The following HROB variants were observed in gnomAD, a reference collection of about 807,000 sequenced individuals.
HROB encodes the protein homologous recombination OB-fold protein.
A neutral mutation model predicts 61.0 loss-of-function variants in HROB; 44 were observed. The ratio of observed to expected loss-of-function variants is 0.72; its 90% CI spans 0.57 to 0.93. The LOEUF (loss-of-function observed/expected upper bound fraction) is 0.93, where lower values mean the gene tolerates loss of function less well. HROB is among the 40% of genes least tolerant of loss of function. The pLI is 0.00. For synonymous variants in HROB, 301 were observed against 310.4 expected, an observed-to-expected ratio of 0.97 and a Z score of 0.32; for missense variants, 716 against 796.2, an observed-to-expected ratio of 0.90 and a Z score of 1.21.
intron 5 of HROB, 112 bp downstream of exon 5, chr17:44,152,889 C>T: frequency 7.6e-7 from 1 of 1,310,580 alleles, no homozygotes; most frequent in Non-Finnish European, 1.0e-6. Context: ...GTACCCTATA[C>T]AAGTAGCAGC....
At chr17:44,147,436 CTTT>C (rs34538292) in intron 2 of HROB, among the ~76,000 whole-genome samples, 9 of 114,718 alleles carry the variant, frequency 7.8e-5, no homozygotes, top group Admixed American at 2.7e-4. Flanking sequence ...TCTTTTCTTT[CTTT>C]TTTTTTTTTT....
chr17:44,143,857 C>A (rs2053532075), intron 1 of HROB, among the ~76,000 whole-genome samples: 2 of 151,720 alleles, frequency 1.3e-5, no homozygotes, highest in Non-Finnish European at 2.9e-5. Context: ...CCCATGTGCA[C>A]AGTCCTGGAG....
rs536677395 is a variant in HROB, at chr17:44,148,207, A to G, written c.404A>G (p.His135Arg). The G allele has an allele frequency of 4.3e-6, 7 of 1,614,012 alleles. No individual in the cohort carries two copies. In the African/African-American group the frequency reaches 5.3e-5, roughly 12 times the overall value. Residue 135 changes from histidine to arginine, a missense_variant, in exon 3 of 10, where the codon CAC becomes CGC. By Grantham distance (29) the His-to-Arg change is conservative. Coordinates refer to ENST00000585683, the MANE Select transcript of HROB (RefSeq NM_001171251.3). Reference protein sequence around the residue: ...ETARPQSSALHPLLTFESQQQ... With the variant: ...ETARPQSSALRPLLTFESQQQ... ...GCAAGACCTCAGTCCTCAGCCTTAC[A>G]CCCCCTACTCACCTTTGAGAGCCAA...
At chr17:44,161,152 G>A (rs1166493523) in intron 9 of HROB, among the ~76,000 whole-genome samples, 6 of 150,952 alleles carry the variant, frequency 4.0e-5, no homozygotes, top group East Asian at 3.9e-4. Context: ...GCAGTGAGCC[G>A]AGATCACGCC....
chr17:44,145,119 T>G (rs917230109), intron 1 of HROB, 84 bp from the exon 2 acceptor site: 2 of 1,426,456 alleles, frequency 1.4e-6, no homozygotes, highest in South Asian at 1.2e-5. Context: ...GATGGTATTG[T>G]TAGTGCTGGG....
chr17:44,148,716 A>G lies in HROB; in HGVS notation c.913A>G (p.Ser305Gly), dbSNP rs1215852194. Reference sequence around the variant, plus strand: ...CCCTTGTCAGCCATTCCAGTCTCCAAGTTCCTGGTTAAGTGGCAAAGCTCA... The same window carrying G: ...CCCTTGTCAGCCATTCCAGTCTCCAGGTTCCTGGTTAAGTGGCAAAGCTCA... Reference protein sequence around the residue: ...RFPCQPFQSPSSWLSGKAHLP... With the variant: ...RFPCQPFQSPGSWLSGKAHLP... The change falls in exon 3 of 10, where the codon AGT becomes GGT. Residue 305 changes from serine to glycine, a missense_variant. Coordinates refer to ENST00000585683, the MANE Select transcript of HROB (RefSeq NM_001171251.3). 6.2e-7 allele frequency: 1 copy of G among 1,614,194 alleles called. No individual in the cohort carries two copies. Among genetic ancestry groups the G allele is most frequent in the Non-Finnish European group, 8.5e-7 (1 of 1,180,034 alleles).
chr17:44,148,054 C>T lies in HROB; in HGVS notation c.251C>T (p.Ser84Phe). 1 of 1,614,160 alleles carries T rather than the reference C, an allele frequency of 6.2e-7. No individual in the cohort carries two copies. The highest frequency in any genetic ancestry group is 1.1e-5 in the South Asian group (1 of 91,080). Residue 84 changes from serine (S) to phenylalanine (F), a missense_variant, in exon 3 of 10, where the codon TCC becomes TTC. Physicochemically the swap from Ser to Phe is radical, Grantham distance 155. Coordinates refer to ENST00000585683, the MANE Select transcript of HROB (RefSeq NM_001171251.3). The part of the protein sequence containing the change: ...LPDLDLCLPA[S>F]STPSADSRPS... ...GACTTGGACCTCTGCCTCCCTGCCT[C>T]CAGCACGCCCAGTGCTGACAGCCGT...
intron 8 of HROB, among the ~76,000 whole-genome samples, chr17:44,156,340 A>T (rs1238856756): frequency 1.3e-5 from 2 of 150,952 alleles, no homozygotes; most frequent in Non-Finnish European, 3.0e-5. Context: ...GATTCAAGCG[A>T]TTCTCCCACC....
At chr17:44,150,814 C>A in intron 3 of HROB, 147 bp from the exon 4 acceptor site, 2 of 656,722 alleles carry the variant, frequency 3.0e-6, no homozygotes, top group Non-Finnish European at 5.2e-6. Context: ...GCCAAAGAGG[C>A]TCCTGAGACT....
Position 44,148,892 on chromosome 17 carries a change from G to A in HROB, c.1089G>A (p.Leu363=). The change falls in exon 3 of 10, where the codon CTG becomes CTA. Residue 363 remains leucine, a synonymous_variant. Coordinates refer to ENST00000585683, the MANE Select transcript of HROB (RefSeq NM_001171251.3). ...CCCCAAAAGGTCCCCAGGGAGCTCT[G>A]CAGACACCCATAGTCACCAACCACC... ...VGTPKGPQGA[L]QTPIVTNHLV... 1 of 1,614,140 alleles carries A rather than the reference G, an allele frequency of 6.2e-7. No homozygotes were observed. Among genetic ancestry groups the A allele is most frequent in the Non-Finnish European group, 8.5e-7 (1 of 1,180,032 alleles).
chr17:44,155,300 T>C lies in HROB; in HGVS notation c.1659T>C (p.Ser553=). The C allele has an allele frequency of 1.2e-6, 2 of 1,614,162 alleles. No homozygotes were observed. The highest frequency in any genetic ancestry group is 1.7e-6 in the Non-Finnish European group (2 of 1,180,026). ...VLLLKQIGVF[S]PSLRNHYLNV... ...CTTGACTCCAGATTGGAGTGTTTTCTCCTTCACTTCGAAATCACTACCTCA... is the reference window on the plus strand; with the variant it reads ...CTTGACTCCAGATTGGAGTGTTTTCCCCTTCACTTCGAAATCACTACCTCA... Residue 553 remains serine, a synonymous_variant, in exon 8 of 10, where the codon TCT becomes TCC. Coordinates refer to ENST00000585683, the MANE Select transcript of HROB (RefSeq NM_001171251.3).
At chr17:44,155,139 G>A in intron 7 of HROB, 147 bp from the exon 8 acceptor site, 2 of 1,352,078 alleles carry the variant, frequency 1.5e-6, no homozygotes, top group Non-Finnish European at 2.0e-6. Context: ...GGAGGGTTGT[G>A]TTAAGGGGAG....
rs766201716 is a variant in HROB, at chr17:44,150,951, C to A, written c.1225-10C>A. ...GCTTGCTCTCATCTTCTCCTTCCCT[C>A]CCCTCTTAGCAGAGTGGGAGAAGTC... On this transcript the variant is annotated splice_polypyrimidine_tract_variant and intron_variant, in intron 3 of 9. Coordinates refer to ENST00000585683, the MANE Select transcript of HROB (RefSeq NM_001171251.3). 9 of 1,604,582 alleles carry A rather than the reference C, an allele frequency of 5.6e-6. No individual in the cohort carries two copies. Among genetic ancestry groups the A allele is most frequent in the Admixed American group, 3.3e-5 (2 of 59,898 alleles).
At position 44,142,163 on chromosome 17, in the gene HROB, T is replaced by A. The variant is rs772313790; in HGVS notation, c.3+18T>A. 6.6e-7 allele frequency: 1 copy of A among 1,516,118 alleles called. No individual in the cohort carries two copies. The highest frequency in any genetic ancestry group is 1.2e-5 in the South Asian group (1 of 82,972). The allele number at this position is 1,516,118 out of a possible 1,614,324, so 93.9% of individuals were successfully genotyped here. A position where few individuals can be genotyped will look rare whatever the true frequency, so the allele number is the denominator to read the frequency against. ...TCGCTATGGTAATGCCGCGCCCAGC[T>A]TGGGGGCTGGCGGGCCGCAGGGCCC... On this transcript the variant is annotated intron_variant, in intron 1 of 9. Transcript: ENST00000585683.
At chr17:44,157,993 T>G in intron 9 of HROB, 52 bp downstream of exon 9, 2 of 1,313,766 alleles carry the variant, frequency 1.5e-6, no homozygotes, top group South Asian at 1.3e-5. Context: ...TCCTGTTGAA[T>G]AGCTGAACCA....
Position 44,141,990 on chromosome 17 carries a change from C to T in HROB, c.-153C>T. On this transcript the variant is annotated 5_prime_UTR_variant, in exon 1 of 10. Coordinates refer to ENST00000585683, the MANE Select transcript of HROB (RefSeq NM_001171251.3). ...GCCGCCAGTCTCCTGGCGACTTTCC[C>T]TATATCGCAGAGACTCATCCCTCTG... The T allele has an allele frequency of 2.7e-6, 3 of 1,100,952 alleles. No homozygotes were observed. The highest frequency in any genetic ancestry group is 3.1e-5 in the Admixed American group (1 of 32,720). The allele number at this position is 1,100,952 out of a possible 1,614,324, so 68.2% of individuals were successfully genotyped here.
At chr17:44,142,260 G>T in intron 1 of HROB, 115 bp downstream of exon 1, 1 of 1,289,910 alleles carries the variant, frequency 7.8e-7, no homozygotes, top group South Asian at 1.7e-5. Flanking sequence ...GGTCTGGGTG[G>T]GGGTTCGGCG....
chr17:44,151,057 A>C lies in HROB; in HGVS notation c.1308+13A>C. 5.0e-6 allele frequency: 8 copies of C among 1,598,882 alleles called. No homozygotes were observed. Among genetic ancestry groups the C allele is most frequent in the Non-Finnish European group, 6.9e-6 (8 of 1,166,808 alleles). Reference sequence around the variant, plus strand: ...ATTCCAGACAGAGGTAACTTATGCAAATGTTAACTTTCTGGGTGTGATTTG... The same window carrying C: ...ATTCCAGACAGAGGTAACTTATGCACATGTTAACTTTCTGGGTGTGATTTG... On this transcript the variant is annotated intron_variant, in intron 4 of 9. Coordinates refer to ENST00000585683, the MANE Select transcript of HROB (RefSeq NM_001171251.3).
chr17:44,153,958 G>T (rs2053893324), intron 5 of HROB, among the ~76,000 whole-genome samples: 1 of 152,140 alleles, frequency 6.6e-6, no homozygotes. Flanking sequence ...TGAGGCTGGA[G>T]CATCGCTTGA....
Sources: gnomAD v4.1 joint callset for allele counts (sites outside exome capture counted in the v4.1 genomes callset) on GRCh38, gnomAD v4.1.1 for gene constraint, MANE v1.5 for transcripts, NCBI Gene and HGNC (gene_info 2026-07-23, HGNC 2026-07-21) for gene names.